The following PLD1 variants were observed in gnomAD, a reference collection of about 807,000 sequenced individuals.
The protein encoded by PLD1 is phospholipase D1, also known as choline phosphatase 1.
PLD1 carries 112 observed loss-of-function variants against 137.1 expected under a neutral mutation model. That is an observed-to-expected ratio of 0.82 (90% CI 0.70 to 0.96). The LOEUF (loss-of-function observed/expected upper bound fraction) is 0.96. Ranked by LOEUF, PLD1 falls within the 40% of genes least tolerant of loss-of-function variation. The pLI is 0.00. For missense variants in PLD1, 1,321 were observed against 1,342.0 expected, an observed-to-expected ratio of 0.98 and a Z score of 0.24; for synonymous variants, 431 against 454.7, an observed-to-expected ratio of 0.95 and a Z score of 0.66.
chr3:171,698,175 A>C (rs763635709), intron 12 of PLD1, among the ~76,000 whole-genome samples: 1 of 152,246 alleles, frequency 6.6e-6, no homozygotes, highest in Non-Finnish European at 1.5e-5. Context: ...AGCCCAAGAC[A>C]TGAGTCCCTC....
chr3:171,710,219 C>A (rs1717059642), intron 9 of PLD1, among the ~76,000 whole-genome samples: 1 of 152,118 alleles, frequency 6.6e-6, no homozygotes, highest in Non-Finnish European at 1.5e-5. Flanking sequence ...CGCCACCACG[C>A]CCGGCTAATT....
chr3:171,600,978 T>C lies in PLD1; in HGVS notation c.*2100A>G, dbSNP rs1181880734. On this transcript the variant is annotated 3_prime_UTR_variant, in exon 27 of 27. Coordinates refer to ENST00000351298, the MANE Select transcript of PLD1 (RefSeq NM_002662.5). ...CTGCCCCATGGAGCTTACATTCTAG[T>C]AGGGGGAGACAGACAAACACATAAA... The C allele has an allele frequency of 6.6e-6, 1 of 152,162 alleles. No individual in the cohort carries two copies. Among genetic ancestry groups the C allele is most frequent in the East Asian group, 1.9e-4 (1 of 5,192 alleles). 9.4% of individuals were successfully genotyped at this position (152,162 alleles called of 1,614,324 possible). A position where few individuals can be genotyped will look rare whatever the true frequency, so the allele number is the denominator to read the frequency against.
intron 1 of PLD1, among the ~76,000 whole-genome samples, chr3:171,775,712 A>ATG (rs1268323828): frequency 1.4e-4 from 21 of 152,054 alleles, no homozygotes; most frequent in Non-Finnish European, 2.4e-4. Context: ...GCGTGGTGGC[A>ATG]CACATCTGTA....
intron 1 of PLD1, among the ~76,000 whole-genome samples, chr3:171,738,733 T>G (rs150900065): frequency 8.5e-5 from 13 of 152,364 alleles, no homozygotes; most frequent in African/African-American, 2.9e-4. Context: ...GCTAGAATTA[T>G]ACTTCCCTCC....
rs192892385 is a variant in PLD1, at chr3:171,678,144, T to C, written c.1868-450A>G. ...GGCAATAAAGACACCATGCCACTTC[T>C]TTTTCCTCAACCAACATGGTGCACA... On this transcript the variant is annotated intron_variant, in intron 16 of 26. Coordinates refer to ENST00000351298, the MANE Select transcript of PLD1 (RefSeq NM_002662.5). Among the ~76,000 whole-genome samples the C allele has an allele frequency of 1.1e-4, 17 of 152,280 alleles. No homozygotes were observed. In the East Asian group the frequency reaches 2.3e-3, roughly 21 times the overall value.
At chr3:171,669,810 A>G (rs1712556468) in intron 19 of PLD1, among the ~76,000 whole-genome samples, 1 of 152,226 alleles carries the variant, frequency 6.6e-6, no homozygotes, top group Non-Finnish European at 1.5e-5. Context: ...CCATCACCAC[A>G]ATCCTGTGAG....
chr3:171,707,871 G>A (rs886311917), intron 11 of PLD1, among the ~76,000 whole-genome samples: 13 of 152,166 alleles, frequency 8.5e-5, no homozygotes, highest in Non-Finnish European at 1.2e-4. Context: ...GACAACCGAA[G>A]CAAAAGATGT....
intron 8 of PLD1, among the ~76,000 whole-genome samples, chr3:171,718,081 A>T (rs1173767034): frequency 6.6e-6 from 1 of 152,244 alleles, no homozygotes; most frequent in Non-Finnish European, 1.5e-5. Flanking sequence ...CCAAACAGAG[A>T]AGATTCAAAT....
chr3:171,760,111 C>T (rs1032142369), intron 1 of PLD1, among the ~76,000 whole-genome samples: 3 of 151,296 alleles, frequency 2.0e-5, no homozygotes, highest in Non-Finnish European at 4.4e-5. Flanking sequence ...TTATTTATTC[C>T]CGTTTTAAAA....
chr3:171,632,111 C>G (rs181581678), intron 23 of PLD1, among the ~76,000 whole-genome samples: 1 of 152,014 alleles, frequency 6.6e-6, no homozygotes, highest in Non-Finnish European at 1.5e-5. Flanking sequence ...GCTATGTTAC[C>G]GTAAGAACAC....
intron 11 of PLD1, among the ~76,000 whole-genome samples, chr3:171,701,271 T>C (rs1193487305): frequency 1.3e-5 from 2 of 152,194 alleles, no homozygotes; most frequent in East Asian, 3.8e-4. Flanking sequence ...AGGTAATCTA[T>C]GTCCAAACAA....
intron 4 of PLD1, 74 bp downstream of exon 4, chr3:171,735,418 G>A (rs557925883): frequency 3.1e-5 from 40 of 1,284,482 alleles, no homozygotes; most frequent in Non-Finnish European, 4.1e-5. Context: ...TTACAGGTGT[G>A]AGCTACCACA....
At chr3:171,604,133 G>A (rs867313574) in intron 26 of PLD1, among the ~76,000 whole-genome samples, 1 of 152,002 alleles carries the variant, frequency 6.6e-6, no homozygotes, top group African/African-American at 2.4e-5. Context: ...GAGGTCAGGA[G>A]TTCAAGACCA....
chr3:171,794,473 G>A (rs1043255625), intron 1 of PLD1, among the ~76,000 whole-genome samples: 1 of 152,088 alleles, frequency 6.6e-6, no homozygotes, highest in Non-Finnish European at 1.5e-5. Flanking sequence ...TGCTTCTACC[G>A]TGCATCTTTT....
chr3:171,781,394 TAAAAA>T (rs1722790927), intron 1 of PLD1, among the ~76,000 whole-genome samples: 1 of 150,002 alleles, frequency 6.7e-6, no homozygotes, highest in Non-Finnish European at 1.5e-5. Context: ...GCAATCAACA[TAAAAA>T]GAAAAAAAAA....
chr3:171,644,112 T>C lies in PLD1; in HGVS notation c.2543+798A>G, dbSNP rs1037344026. ...TACTTACCAAAGGTTCTATGTAAAG[T>C]ATCATTCGTCCTCTCCCACCTTTCA... On this transcript the variant is annotated intron_variant, in intron 22 of 26. Coordinates refer to ENST00000351298, the MANE Select transcript of PLD1 (RefSeq NM_002662.5). Among the ~76,000 whole-genome samples, 9 of 152,232 alleles carry C rather than the reference T, an allele frequency of 5.9e-5. 1 individual carries two copies. In the South Asian group the frequency reaches 1.0e-3, roughly 18 times the overall value.
At chr3:171,762,834 G>A (rs1721498889) in intron 1 of PLD1, among the ~76,000 whole-genome samples, 1 of 152,156 alleles carries the variant, frequency 6.6e-6, no homozygotes, top group Admixed American at 6.5e-5. Flanking sequence ...ACTAGACTTG[G>A]GAGGGTAAGG....
chr3:171,790,858 T>C (rs1243083487), intron 1 of PLD1, among the ~76,000 whole-genome samples: 1 of 152,208 alleles, frequency 6.6e-6, no homozygotes, highest in East Asian at 1.9e-4. Flanking sequence ...AGCCACTACC[T>C]GGGGGCTCTG....
At chr3:171,714,499 C>T (rs1717525280) in intron 8 of PLD1, among the ~76,000 whole-genome samples, 1 of 152,286 alleles carries the variant, frequency 6.6e-6, no homozygotes, top group South Asian at 2.1e-4. Flanking sequence ...TGAGAAGTAA[C>T]AAAGTGGGCA....
Sources: gnomAD v4.1 joint callset for allele counts (sites outside exome capture counted in the v4.1 genomes callset) on GRCh38, gnomAD v4.1.1 for gene constraint, MANE v1.5 for transcripts, NCBI Gene and HGNC (gene_info 2026-07-23, HGNC 2026-07-21) for gene names.